Variants in ARHGAP31 observed in about 807,000 individuals in gnomAD.
ARHGAP31 encodes rho GTPase-activating protein 31.
In ARHGAP31, 34 loss-of-function variants were observed where a neutral mutation model predicts 113.9. That is an observed-to-expected ratio of 0.30 (90% CI 0.23 to 0.40). The LOEUF (loss-of-function observed/expected upper bound fraction) is 0.40. Ranked by LOEUF, ARHGAP31 falls within the 10% of genes least tolerant of loss-of-function variation. ARHGAP31 has a pLI of 1.00. For missense variants in ARHGAP31, 1,548 were observed against 1,767.1 expected (o/e 0.88, Z 2.22); for synonymous variants, 650 against 684.8 (o/e 0.95, Z 0.79).
chr3:119,333,556 A>G (rs900686411), intron 1 of ARHGAP31, among the ~76,000 whole-genome samples: 3 of 152,194 alleles, frequency 2.0e-5, no homozygotes, highest in Non-Finnish European at 2.9e-5. Flanking sequence ...CTTTATTATC[A>G]TATTAGAGAG....
At chr3:119,397,924 T>C (rs1335893242) in intron 8 of ARHGAP31, among the ~76,000 whole-genome samples, 1 of 152,218 alleles carries the variant, frequency 6.6e-6, no homozygotes, top group African/African-American at 2.4e-5. Flanking sequence ...ATTAGTACAA[T>C]ATAATTACCT....
At chr3:119,397,894 G>A (rs2080566167) in intron 8 of ARHGAP31, among the ~76,000 whole-genome samples, 1 of 152,070 alleles carries the variant, frequency 6.6e-6, no homozygotes, top group African/African-American at 2.4e-5. Flanking sequence ...ACTTTTTAAT[G>A]GGTACTTACT....
intron 1 of ARHGAP31, among the ~76,000 whole-genome samples, chr3:119,346,254 C>T (rs1387571057): frequency 6.6e-6 from 1 of 152,270 alleles, no homozygotes; most frequent in Non-Finnish European, 1.5e-5. Flanking sequence ...TGCAAGCCTA[C>T]ACCCTCTTTA....
chr3:119,380,713 G>A (rs1577020430), intron 3 of ARHGAP31, among the ~76,000 whole-genome samples, 191 bp from the exon 4 acceptor site: 1 of 152,134 alleles, frequency 6.6e-6, no homozygotes, highest in Non-Finnish European at 1.5e-5. Context: ...GTGAGACCCT[G>A]CACACACATC....
chr3:119,403,904 G>A (rs1432047726), intron 10 of ARHGAP31, among the ~76,000 whole-genome samples: 1 of 152,226 alleles, frequency 6.6e-6, no homozygotes, highest in East Asian at 1.9e-4. Flanking sequence ...CAAAGCTGGG[G>A]AGACTCCTAT....
intron 1 of ARHGAP31, among the ~76,000 whole-genome samples, chr3:119,362,763 T>C (rs2080219885): frequency 6.8e-6 from 1 of 146,144 alleles, no homozygotes; most frequent in African/African-American, 2.5e-5. Flanking sequence ...AGCGAAACTC[T>C]GTCTAAAAAA....
intron 1 of ARHGAP31, among the ~76,000 whole-genome samples, chr3:119,322,954 G>A (rs1031384609): frequency 1.9e-4 from 29 of 152,260 alleles, no homozygotes; most frequent in African/African-American, 5.8e-4. Context: ...CCCTGCCCCC[G>A]CCCCGCAGTA....
At position 119,415,165 on chromosome 3, in the gene ARHGAP31, C is replaced by T; in HGVS notation, c.3236C>T (p.Thr1079Ile). 1 of 1,614,206 alleles carries T rather than the reference C, an allele frequency of 6.2e-7. No individual in the cohort carries two copies. Among genetic ancestry groups the T allele is most frequent in the Non-Finnish European group, 8.5e-7 (1 of 1,180,040 alleles). ...AGTTCACCCAGCGTGCAGGACAGCA[C>T]TTCGCCTGGAGAGCACCCCGCAAAG... ...KESSPSVQDS[T>I]SPGEHPAKLQ... Residue 1079 changes from threonine to isoleucine, a missense_variant, in exon 12 of 12, where the codon ACT (threonine) becomes ATT (isoleucine). Thr to Ile is a moderately conservative substitution (Grantham distance 89). Coordinates refer to ENST00000264245, the MANE Select transcript of ARHGAP31 (RefSeq NM_020754.4).
At chr3:119,408,008 TAC>T (rs1467947232) in intron 10 of ARHGAP31, among the ~76,000 whole-genome samples, 2 of 152,232 alleles carry the variant, frequency 1.3e-5, no homozygotes, top group Admixed American at 1.3e-4. Flanking sequence ...GCATGGCATT[TAC>T]AGTGTATTAC....
intron 4 of ARHGAP31, among the ~76,000 whole-genome samples, chr3:119,381,910 C>T (rs934177026): frequency 1.8e-4 from 26 of 148,100 alleles, no homozygotes; most frequent in Admixed American, 4.9e-4. Context: ...GGCGTGAACC[C>T]GGGAGGCGGA....
At chr3:119,376,401 A>C in intron 3 of ARHGAP31, among the ~76,000 whole-genome samples, 1 of 152,128 alleles carries the variant, frequency 6.6e-6, no homozygotes, top group East Asian at 1.9e-4. Flanking sequence ...AGGCAGGAGA[A>C]TTGCTTGAAC....
chr3:119,327,131 C>T (rs890470624), intron 1 of ARHGAP31, among the ~76,000 whole-genome samples: 5 of 151,970 alleles, frequency 3.3e-5, no homozygotes, highest in Non-Finnish European at 5.9e-5. Flanking sequence ...TAGAGCCAGA[C>T]CTTGTCTCAA....
intron 1 of ARHGAP31, among the ~76,000 whole-genome samples, chr3:119,348,287 G>A (rs2080079510): frequency 6.6e-6 from 1 of 152,140 alleles, no homozygotes; most frequent in Non-Finnish European, 1.5e-5. Flanking sequence ...TAGAAATAAA[G>A]TACACAATAA....
At chr3:119,347,274 A>G (rs2080068997) in intron 1 of ARHGAP31, among the ~76,000 whole-genome samples, 1 of 152,240 alleles carries the variant, frequency 6.6e-6, no homozygotes, top group Non-Finnish European at 1.5e-5. Context: ...ACCGGACTAT[A>G]AACTGTGGCC....
intron 1 of ARHGAP31, among the ~76,000 whole-genome samples, chr3:119,360,831 A>G (rs902586974): frequency 3.2e-4 from 49 of 152,194 alleles, no homozygotes; most frequent in Admixed American, 6.5e-5. Context: ...TTAGAGGGCC[A>G]TAAGTGAAAT....
chr3:119,317,580 C>T (rs1277645324), intron 1 of ARHGAP31, among the ~76,000 whole-genome samples: 1 of 152,174 alleles, frequency 6.6e-6, no homozygotes, highest in Non-Finnish European at 1.5e-5. Flanking sequence ...TCTCAGCCCT[C>T]CTGCCACTAT....
intron 1 of ARHGAP31, among the ~76,000 whole-genome samples, chr3:119,338,766 T>C (rs1478027266): frequency 6.6e-6 from 1 of 152,244 alleles, no homozygotes. Flanking sequence ...TATTGCATTA[T>C]ACACTTATTA....
chr3:119,398,572 A>G (rs1024349371), intron 8 of ARHGAP31, among the ~76,000 whole-genome samples: 1 of 152,234 alleles, frequency 6.6e-6, no homozygotes, highest in Non-Finnish European at 1.5e-5. Context: ...CACTCTTCCA[A>G]AAAGCTGCTA....
intron 9 of ARHGAP31, among the ~76,000 whole-genome samples, chr3:119,399,484 C>T (rs1420715485): frequency 6.6e-6 from 1 of 152,226 alleles, no homozygotes; most frequent in African/African-American, 2.4e-5. Flanking sequence ...TCCTCTTTGC[C>T]CATCCTTCCT....
Sources: gnomAD v4.1 joint callset for allele counts (sites outside exome capture counted in the v4.1 genomes callset) on GRCh38, gnomAD v4.1.1 for gene constraint, MANE v1.5 for transcripts, NCBI Gene and HGNC (gene_info 2026-07-23, HGNC 2026-07-21) for gene names.